The following REPS1 variants were observed in gnomAD, a reference collection of about 807,000 sequenced individuals.
The protein encoded by REPS1 is ralBP1-associated Eps domain-containing protein 1.
In REPS1, 39 loss-of-function variants were observed where a neutral mutation model predicts 100.9. That is an observed-to-expected ratio of 0.39 (90% confidence interval 0.30 to 0.50). The LOEUF (loss-of-function observed/expected upper bound fraction) is 0.50, where lower values mean the gene tolerates loss of function less well. Ranked by LOEUF, REPS1 falls within the 20% of genes least tolerant of loss-of-function variation. REPS1 has a pLI of 0.86. For synonymous variants in REPS1, 324 were observed against 340.3 expected (o/e 0.95, Z 0.53); for missense variants, 821 against 968.5 (o/e 0.85, Z 2.02).
intron 1 of REPS1, among the ~76,000 whole-genome samples, chr6:138,959,363 T>C (rs957570380): frequency 2.0e-5 from 3 of 151,924 alleles, no homozygotes; most frequent in African/African-American, 7.3e-5. Context: ...ATGAGCTGAA[T>C]CACAAAACAA....
At chr6:138,924,090 A>C (rs1354173656) in intron 10 of REPS1, among the ~76,000 whole-genome samples, 6 of 152,336 alleles carry the variant, frequency 3.9e-5, no homozygotes, top group Admixed American at 1.3e-4. Flanking sequence ...TAAGAAACTT[A>C]GACACTGTAG....
intron 8 of REPS1, among the ~76,000 whole-genome samples, chr6:138,937,904 A>G (rs1781964209): frequency 6.6e-6 from 1 of 152,210 alleles, no homozygotes; most frequent in Non-Finnish European, 1.5e-5. Flanking sequence ...AAACAACCAC[A>G]GAAGTACATG....
intron 17 of REPS1, among the ~76,000 whole-genome samples, chr6:138,910,180 CAT>C (rs1779912477): frequency 6.6e-6 from 1 of 152,136 alleles, no homozygotes; most frequent in African/African-American, 2.4e-5. Flanking sequence ...CTTGAGTTCA[CAT>C]GAGAGCTGGC....
intron 1 of REPS1, among the ~76,000 whole-genome samples, chr6:138,971,052 A>G (rs777265881): frequency 2.0e-5 from 3 of 152,226 alleles, no homozygotes; most frequent in Non-Finnish European, 2.9e-5. Context: ...AGTGAGAAAC[A>G]GTAAGTTTGG....
chr6:138,919,423 G>A lies in REPS1; in HGVS notation c.1528+792C>T, dbSNP rs139499036. Among the ~76,000 whole-genome samples the A allele has an allele frequency of 8.5e-4, 129 of 152,262 alleles. 1 individual carries two copies. Among genetic ancestry groups the A allele is most frequent in the South Asian group, 5.6e-3 (27 of 4,824 alleles). ...CCAGACTGATCCAGTTAAAAAGCAG[G>A]CTCAAATCATGTCACTCCTCCATTC... is the stretch of plus-strand genomic sequence containing the variant. On this transcript the variant is annotated intron_variant, in intron 12 of 19. Transcript: ENST00000450536.
rs779711887 is a variant in REPS1, at chr6:138,905,062, G to C, written c.*2C>G. ...GTATGTTCACAGTTAACGGCAATTG[G>C]CTTATAGGTGAGAGAATGGTCGAAG... On this transcript the variant is annotated 3_prime_UTR_variant, in exon 20 of 20. Coordinates refer to ENST00000450536, the MANE Select transcript of REPS1 (RefSeq NM_001286611.2). 2 of 1,613,758 alleles carry C rather than the reference G, an allele frequency of 1.2e-6. No homozygotes were observed. The highest frequency in any genetic ancestry group is 1.7e-6 in the Non-Finnish European group (2 of 1,179,748).
intron 1 of REPS1, among the ~76,000 whole-genome samples, chr6:138,954,148 A>G (rs1783226024): frequency 1.3e-5 from 2 of 152,180 alleles, no homozygotes; most frequent in Non-Finnish European, 2.9e-5. Flanking sequence ...TAGAAGTAAA[A>G]AGGAGAACAG....
In REPS1 at chr6:138,920,302, T is replaced by G; in HGVS notation, c.1441A>C (p.Thr481Pro). Residue 481 changes from threonine to proline, a missense_variant, in exon 12 of 20, where the codon ACT (threonine) becomes CCT (proline). Transcript: ENST00000450536. Reference sequence around the variant, plus strand: ...GATGGTTTCACAAGTAATGGGCTAGTGGGATTTGTATGATCTAATAGAGAA... The same window carrying G: ...GATGGTTTCACAAGTAATGGGCTAGGGGGATTTGTATGATCTAATAGAGAA... Reference protein sequence around the residue: ...KRTGSDHTNPTSPLLVKPSDL... With the variant: ...KRTGSDHTNPPSPLLVKPSDL... 9 of 1,577,274 alleles carry G rather than the reference T, an allele frequency of 5.7e-6. No homozygotes were observed. Among genetic ancestry groups the G allele is most frequent in the Non-Finnish European group, 7.0e-6 (8 of 1,146,644 alleles).
intron 1 of REPS1, among the ~76,000 whole-genome samples, chr6:138,983,988 C>A (rs1374568635): frequency 6.6e-6 from 1 of 152,244 alleles, no homozygotes; most frequent in South Asian, 2.1e-4. Flanking sequence ...AAAGAATAAT[C>A]CTTGCCCCAC....
At chr6:138,965,972 T>C (rs1218206305) in intron 1 of REPS1, among the ~76,000 whole-genome samples, 2 of 152,180 alleles carry the variant, frequency 1.3e-5, no homozygotes, top group African/African-American at 2.4e-5. Flanking sequence ...AAGCACTTTA[T>C]AGCTCATTTA....
chr6:138,975,619 G>A (rs766212660), intron 1 of REPS1, among the ~76,000 whole-genome samples: 13 of 152,160 alleles, frequency 8.5e-5, no homozygotes, highest in Admixed American at 5.2e-4. Context: ...GATCACCTGA[G>A]GTTAGGAGTT....
intron 10 of REPS1, among the ~76,000 whole-genome samples, chr6:138,925,281 C>T (rs1019498643): frequency 4.6e-5 from 7 of 151,952 alleles, no homozygotes; most frequent in African/African-American, 7.2e-5. Context: ...GTAGGAGAAT[C>T]GGTTGAACCC....
At chr6:138,935,864 GGGGGC>G (rs202106489) in intron 8 of REPS1, among the ~76,000 whole-genome samples, 2,048 of 114,202 alleles carry the variant, frequency 0.018, 323 homozygotes, top group African/African-American at 0.067. Context: ...GGCGGGGGGG[GGGGGC>G]GCGGGGGAGT....
chr6:138,945,729 A>G, intron 2 of REPS1, 32 bp from the exon 3 acceptor site: 5 of 1,473,262 alleles, frequency 3.4e-6, no homozygotes, highest in Non-Finnish European at 4.5e-6. Flanking sequence ...TTACTTCAAA[A>G]TAAAAAAGGA....
intron 7 of REPS1, 93 bp downstream of exon 7, chr6:138,943,420 G>A: frequency 8.4e-6 from 6 of 710,068 alleles, no homozygotes; most frequent in Non-Finnish European, 1.5e-5. Flanking sequence ...TCTTGAAGGG[G>A]TTAGTTGTTT....
intron 8 of REPS1, among the ~76,000 whole-genome samples, chr6:138,932,618 T>C (rs151060539): frequency 6.6e-6 from 1 of 152,352 alleles, no homozygotes; most frequent in East Asian, 1.9e-4. Context: ...CACACAGCAT[T>C]TCTGCTGCAT....
At chr6:138,966,146 T>C (rs1784008662) in intron 1 of REPS1, among the ~76,000 whole-genome samples, 1 of 152,174 alleles carries the variant, frequency 6.6e-6, no homozygotes, top group Admixed American at 6.5e-5. Flanking sequence ...ATTGCTCCTC[T>C]AGTGGGAGAA....
chr6:138,908,402 C>A (rs1779796972), intron 18 of REPS1, among the ~76,000 whole-genome samples: 1 of 152,154 alleles, frequency 6.6e-6, no homozygotes, highest in Admixed American at 6.5e-5. Flanking sequence ...TCAAGCAATT[C>A]TCCTACCTCA....
At chr6:138,906,099 C>T (rs1221121195) in intron 19 of REPS1, among the ~76,000 whole-genome samples, 2 of 152,180 alleles carry the variant, frequency 1.3e-5, no homozygotes, top group African/African-American at 4.8e-5. Context: ...GAAAAACATG[C>T]ATTAACAAAA....
Sources: gnomAD v4.1 joint callset for allele counts (sites outside exome capture counted in the v4.1 genomes callset) on GRCh38, gnomAD v4.1.1 for gene constraint, MANE v1.5 for transcripts, NCBI Gene and HGNC (gene_info 2026-07-23, HGNC 2026-07-21) for gene names.